The following DMXL2 variants were observed in gnomAD, a reference collection of about 807,000 sequenced individuals.
DMXL2 encodes dmX-like protein 2.
In DMXL2, 103 loss-of-function variants were observed where a neutral mutation model predicts 331.1. The observed-to-expected ratio is 0.31, with a 90% CI of 0.27 to 0.37. The LOEUF (loss-of-function observed/expected upper bound fraction) is 0.37. Among genes scored for constraint, DMXL2 ranks in the 10% least tolerant of loss-of-function variants. DMXL2 has a pLI of 1.00. For synonymous variants in DMXL2, 1,281 were observed against 1,252.1 expected (o/e 1.02, Z -0.49); for missense variants, 3,171 against 3,642.9 (o/e 0.87, Z 3.33).
intron 1 of DMXL2, among the ~76,000 whole-genome samples, chr15:51,596,398 G>A (rs553128890): frequency 0.019 from 2,888 of 152,180 alleles, 92 homozygotes; most frequent in African/African-American, 0.065. Context: ...TTAGAATGGC[G>A]ATCATTAAAA....
At chr15:51,610,010 A>G (rs921847443) in intron 1 of DMXL2, among the ~76,000 whole-genome samples, 5 of 152,196 alleles carry the variant, frequency 3.3e-5, no homozygotes, top group African/African-American at 1.2e-4. Context: ...GCCTAGCAAT[A>G]TATTGAATGC....
intron 36 of DMXL2, chr15:51,457,707 A>G (rs375639503): frequency 9.6e-5 from 38 of 397,672 alleles, no homozygotes; most frequent in African/African-American, 7.2e-4. Flanking sequence ...GCACAAGTTG[A>G]AACAAAAGTT....
intron 6 of DMXL2, among the ~76,000 whole-genome samples, chr15:51,560,845 T>C (rs1385968526): frequency 1.3e-5 from 2 of 151,802 alleles, no homozygotes; most frequent in African/African-American, 4.8e-5. Flanking sequence ...AGGAAGGAGA[T>C]GCATGGAGAA....
chr15:51,457,531 A>T (rs1595885437), intron 36 of DMXL2, 65 bp from the exon 37 acceptor site: 1 of 1,563,990 alleles, frequency 6.4e-7, no homozygotes. Context: ...TTCCAACTAA[A>T]AATCTTCTTA....
intron 6 of DMXL2, among the ~76,000 whole-genome samples, chr15:51,557,997 C>T (rs1423112322): frequency 2.6e-5 from 4 of 152,220 alleles, no homozygotes; most frequent in Non-Finnish European, 5.9e-5. Flanking sequence ...ATAAAAGATA[C>T]TTTTGACACA....
intron 40 of DMXL2, 70 bp from the exon 41 acceptor site, chr15:51,453,711 T>C (rs1398876111): frequency 6.3e-6 from 8 of 1,262,782 alleles, no homozygotes; most frequent in Non-Finnish European, 9.2e-6. Flanking sequence ...CCAACATACA[T>C]GTCTGCTAAT....
chr15:51,619,055 T>C (rs2054469307), intron 1 of DMXL2, among the ~76,000 whole-genome samples: 2 of 152,234 alleles, frequency 1.3e-5, no homozygotes, highest in African/African-American at 2.4e-5. Flanking sequence ...TTATTTCAAT[T>C]AATATTTTAA....
chr15:51,448,817 C>A lies in DMXL2; in HGVS notation c.*167G>T. On this transcript the variant is annotated 3_prime_UTR_variant, in exon 44 of 44. Transcript: ENST00000560891. ...GTATGTCAGCATAATAAGGTACATG[C>A]GCATTCATTCCACCAACCTGTTTAG... is the stretch of plus-strand genomic sequence containing the variant. 1.5e-6 allele frequency: 1 copy of A among 661,544 alleles called. No individual in the cohort carries two copies. Among genetic ancestry groups the A allele is most frequent in the South Asian group, 2.0e-5 (1 of 51,280 alleles). The allele number at this position is 661,544 out of a possible 1,614,324, so 41.0% of individuals were successfully genotyped here.
chr15:51,562,803 T>A (rs2050049731), intron 6 of DMXL2, among the ~76,000 whole-genome samples: 1 of 152,162 alleles, frequency 6.6e-6, no homozygotes, highest in Non-Finnish European at 1.5e-5. Context: ...GCAAGTGAAA[T>A]GAATATGTGT....
intron 1 of DMXL2, among the ~76,000 whole-genome samples, chr15:51,600,822 T>C (rs191918959): frequency 1.3e-5 from 2 of 152,210 alleles, no homozygotes. Flanking sequence ...TTAGGACATC[T>C]ACCAAGATAA....
At chr15:51,541,053 T>C (rs2048567110) in intron 9 of DMXL2, among the ~76,000 whole-genome samples, 2 of 152,170 alleles carry the variant, frequency 1.3e-5, no homozygotes, top group African/African-American at 4.8e-5. Context: ...ATCACAGTAA[T>C]TCAAGAAACG....
intron 1 of DMXL2, among the ~76,000 whole-genome samples, chr15:51,621,298 G>C (rs765359240): frequency 7.9e-5 from 12 of 152,200 alleles, no homozygotes; most frequent in South Asian, 6.2e-4. Flanking sequence ...AATAAATTCT[G>C]TTCCAGAATG....
intron 17 of DMXL2, among the ~76,000 whole-genome samples, chr15:51,502,479 C>T (rs1359839692): frequency 6.6e-6 from 1 of 151,934 alleles, no homozygotes; most frequent in Non-Finnish European, 1.5e-5. Flanking sequence ...CGTGCCACCA[C>T]GCCCAACTAA....
rs931705040 is a variant in DMXL2 at position 51,622,473 on chromosome 15, C to T, written c.73G>A (p.Asp25Asn). The T allele has an allele frequency of 1.3e-6, 2 of 1,566,092 alleles. No individual in the cohort carries two copies. The highest frequency in any genetic ancestry group is 2.4e-5 in the East Asian group (1 of 41,758). ...DNCYSVGSVG[D>N]VPFTAYGSGC... is the part of the protein sequence containing the mutation. ...CCGCCGCTCACCGTGAAGGGGACATCCCCGACGCTGCCCACGGAGTAGCAG... is the reference window on the plus strand; with the variant it reads ...CCGCCGCTCACCGTGAAGGGGACATTCCCGACGCTGCCCACGGAGTAGCAG... Residue 25 changes from aspartate (D) to asparagine (N), a missense_variant, in exon 1 of 44, where the codon GAT (aspartate) becomes AAT (asparagine). Coordinates refer to ENST00000560891, the MANE Select transcript of DMXL2 (RefSeq NM_001378457.1).
At chr15:51,489,994 T>A (rs2042678165) in intron 20 of DMXL2, among the ~76,000 whole-genome samples, 4 of 152,242 alleles carry the variant, frequency 2.6e-5, no homozygotes, top group Admixed American at 2.6e-4. Flanking sequence ...ACATTTCAGA[T>A]AAAGTATGTC....
intron 3 of DMXL2, among the ~76,000 whole-genome samples, chr15:51,565,946 T>A (rs75847445): frequency 6.6e-6 from 1 of 152,136 alleles, no homozygotes; most frequent in African/African-American, 2.4e-5. Flanking sequence ...TTTTAAAACA[T>A]AGCTGCATCC....
At chr15:51,503,082 T>C in intron 16 of DMXL2, 49 bp from the exon 17 acceptor site, 2 of 1,186,484 alleles carry the variant, frequency 1.7e-6, no homozygotes, top group Non-Finnish European at 2.4e-6. Flanking sequence ...ATCATTACTA[T>C]AAATAGGAGC....
At chr15:51,484,499 T>C (rs962486045) in intron 23 of DMXL2, among the ~76,000 whole-genome samples, 2 of 152,178 alleles carry the variant, frequency 1.3e-5, no homozygotes, top group African/African-American at 4.8e-5. Flanking sequence ...ACTACACTAC[T>C]GTATCCATCT....
Position 51,498,653 on chromosome 15 carries a change from G to A in DMXL2, c.4571C>T (p.Pro1524Leu). Residue 1524 changes from proline (P) to leucine (L), a missense_variant, in exon 18 of 44, where the codon CCA (proline) becomes CTA (leucine). Coordinates refer to ENST00000560891, the MANE Select transcript of DMXL2 (RefSeq NM_001378457.1). ...LSSHLMHSSL[P>L]GLTRLEQMFL... ...CATCTGCTCCAAACGGGTAAGGCCT[G>A]GTAGACTTGAGTGCATAAGATGACT... 1 of 1,614,138 alleles carries A rather than the reference G, an allele frequency of 6.2e-7. No homozygotes were observed. The highest frequency in any genetic ancestry group is 8.5e-7 in the Non-Finnish European group (1 of 1,180,020).
Sources: allele counts gnomAD v4.1 joint callset (sites outside exome capture counted in the v4.1 genomes callset), GRCh38; gene constraint gnomAD v4.1.1; transcripts MANE v1.5; gene names NCBI Gene and HGNC (gene_info 2026-07-23, HGNC 2026-07-21).